Variants in SWT1 observed in about 807,000 individuals in gnomAD.
SWT1 encodes the protein transcriptional protein SWT1.
Under a neutral mutation model 107.3 loss-of-function variants are expected in SWT1, and 33 were observed. That is an observed-to-expected ratio of 0.31 (90% CI 0.23 to 0.41). The LOEUF (loss-of-function observed/expected upper bound fraction) is 0.41, where lower values mean the gene tolerates loss of function less well. SWT1 is among the 10% of genes least tolerant of loss of function. The pLI, the probability that SWT1 is intolerant of heterozygous loss-of-function variation, is 1.00. For missense variants in SWT1, 898 were observed against 1,028.9 expected (o/e 0.87, Z 1.74); for synonymous variants, 345 against 348.3 (o/e 0.99, Z 0.11).
rs1654501796 is a variant in SWT1 at position 185,165,606 on chromosome 1, A to G, written c.85-966A>G. ...CTAGCTAATGTGGTCCTATTAAAAT[A>G]TAAGTACAATCATGTTACTCCTCTG... On this transcript the variant is annotated intron_variant, in intron 2 of 18. Transcript: ENST00000367500. Among the ~76,000 whole-genome samples the G allele has an allele frequency of 2.0e-5, 3 of 152,226 alleles. No homozygotes were observed. In the South Asian group the frequency reaches 6.2e-4, roughly 31 times the overall value.
Position 185,176,572 on chromosome 1 carries a change from A to C in SWT1, c.966+1459A>C, listed in dbSNP as rs1409193378. ...GTTTCTATGTCAAATAAAGTTACTTATCTTCAAGAGAACTTTCAGAACTGT... is the reference window on the plus strand; with the variant it reads ...GTTTCTATGTCAAATAAAGTTACTTCTCTTCAAGAGAACTTTCAGAACTGT... On this transcript the variant is annotated intron_variant, in intron 5 of 18. Coordinates refer to ENST00000367500, the MANE Select transcript of SWT1 (RefSeq NM_017673.7). The C allele has an allele frequency of 8.2e-6, 8 of 981,516 alleles. No homozygotes were observed. In the East Asian group the frequency reaches 9.1e-4, roughly 111 times the overall value. 60.8% of individuals were successfully genotyped at this position (981,516 alleles called of 1,614,324 possible).
At chr1:185,264,895 G>T (rs1024538714) in intron 16 of SWT1, among the ~76,000 whole-genome samples, 66 of 152,182 alleles carry the variant, frequency 4.3e-4, no homozygotes, top group Admixed American at 1.4e-3. Flanking sequence ...TATTCTAATT[G>T]TATGTATGTT....
chr1:185,257,560 C>A (rs1482990485), intron 16 of SWT1, among the ~76,000 whole-genome samples: 3 of 152,226 alleles, frequency 2.0e-5, no homozygotes, highest in African/African-American at 7.2e-5. Flanking sequence ...GCGTCTGTCA[C>A]CCCTTTCTTT....
intron 15 of SWT1, among the ~76,000 whole-genome samples, chr1:185,225,893 C>T (rs1558055007): frequency 6.6e-6 from 1 of 152,104 alleles, no homozygotes; most frequent in Non-Finnish European, 1.5e-5. Flanking sequence ...ATTTAGTGTG[C>T]ATAAACATAA....
chr1:185,207,552 T>A (rs1658433691), intron 13 of SWT1, among the ~76,000 whole-genome samples: 1 of 152,224 alleles, frequency 6.6e-6, no homozygotes, highest in Non-Finnish European at 1.5e-5. Context: ...TCAAGTAAAC[T>A]AGTCTTGAAA....
At chr1:185,211,989 A>G (rs1279006039) in intron 13 of SWT1, among the ~76,000 whole-genome samples, 1 of 149,014 alleles carries the variant, frequency 6.7e-6, no homozygotes, top group Admixed American at 6.7e-5. Flanking sequence ...TCTCACTCAT[A>G]GGTGGGAATT....
At chr1:185,274,755 A>AT (rs1664128443) in intron 17 of SWT1, among the ~76,000 whole-genome samples, 2 of 152,082 alleles carry the variant, frequency 1.3e-5, no homozygotes, top group South Asian at 2.1e-4. Flanking sequence ...TGTTTTAGCT[A>AT]TTTTTTTCCC....
chr1:185,224,943 C>T (rs1186699026), intron 15 of SWT1, among the ~76,000 whole-genome samples: 1 of 152,064 alleles, frequency 6.6e-6, no homozygotes. Context: ...AATTTGGATG[C>T]CCTTCCTTTC....
At chr1:185,204,209 C>T (rs935452052) in intron 11 of SWT1, among the ~76,000 whole-genome samples, 1 of 151,434 alleles carries the variant, frequency 6.6e-6, no homozygotes, top group Non-Finnish European at 1.5e-5. Flanking sequence ...ACTCAGGAGG[C>T]AGAGGTTTCA....
At chr1:185,266,594 C>G (rs1003243615) in intron 16 of SWT1, 1 of 150,978 alleles carries the variant, frequency 6.6e-6, no homozygotes, top group Non-Finnish European at 1.5e-5. Flanking sequence ...TTTGTTCCTT[C>G]TCCACTCCCA....
Position 185,210,664 on chromosome 1 carries a change from C to A in SWT1, c.1973-3843C>A, listed in dbSNP as rs959671171. ...GACAAGGATGCCCTCTCTCACCACTCCTATTGAACATAGTATTGGAAGTTC... is the reference window on the plus strand; with the variant it reads ...GACAAGGATGCCCTCTCTCACCACTACTATTGAACATAGTATTGGAAGTTC... On this transcript the variant is annotated intron_variant, in intron 13 of 18. Coordinates refer to ENST00000367500, the MANE Select transcript of SWT1 (RefSeq NM_017673.7). Among the ~76,000 whole-genome samples, 56 of 152,118 alleles carry A rather than the reference C, an allele frequency of 3.7e-4. 1 individual carries two copies. The highest frequency in any genetic ancestry group is 2.1e-4 in the Non-Finnish European group (14 of 68,024).
At position 185,248,775 on chromosome 1, in the gene SWT1, C is replaced by CAA. The variant is rs371891305; in HGVS notation, c.2441+17084_2441+17085dup. Among the ~76,000 whole-genome samples the CAA allele has an allele frequency of 3.1e-4, 37 of 117,834 alleles. No individual in the cohort carries two copies. The South Asian group carries it at 7.5e-3, about 24-fold the overall frequency. The allele number at this position is 117,834 out of a possible 152,430, so 77.3% of individuals were successfully genotyped here. On this transcript the variant is annotated intron_variant, in intron 16 of 18. Coordinates refer to ENST00000367500, the MANE Select transcript of SWT1 (RefSeq NM_017673.7). ...AAAGCTAATGAAGATACGACTAAGC[C>CAA]AAAAAAAAAAAAAAAAAAGACAAAA...
At chr1:185,211,442 AACGGC>A (rs1470805934) in intron 13 of SWT1, among the ~76,000 whole-genome samples, 1 of 152,212 alleles carries the variant, frequency 6.6e-6, no homozygotes, top group Admixed American at 6.5e-5. Flanking sequence ...TTTTTTAAGG[AACGGC>A]ACTTTCCTGT....
chr1:185,191,070 C>T (rs1656908696), intron 10 of SWT1, among the ~76,000 whole-genome samples: 1 of 152,114 alleles, frequency 6.6e-6, no homozygotes, highest in African/African-American at 2.4e-5. Context: ...TATCATTTAT[C>T]AGCATTGTGA....
intron 16 of SWT1, among the ~76,000 whole-genome samples, chr1:185,249,249 G>A (rs764669580): frequency 2.0e-5 from 3 of 152,174 alleles, no homozygotes; most frequent in Non-Finnish European, 2.9e-5. Context: ...AAGCTATGTT[G>A]CCTGTTATGG....
intron 17 of SWT1, among the ~76,000 whole-genome samples, chr1:185,276,376 C>G (rs961201377): frequency 6.6e-6 from 1 of 152,090 alleles, no homozygotes; most frequent in African/African-American, 2.4e-5. Flanking sequence ...CCCATCTCAC[C>G]TCTGCTGGTT....
At chr1:185,230,901 C>T (rs1660462878) in intron 15 of SWT1, among the ~76,000 whole-genome samples, 1 of 152,104 alleles carries the variant, frequency 6.6e-6, no homozygotes, top group African/African-American at 2.4e-5. Flanking sequence ...GCAGTGCCAC[C>T]ACGCCTCTCT....
At chr1:185,159,861 A>G (rs1423192813) in intron 1 of SWT1, among the ~76,000 whole-genome samples, 1 of 152,062 alleles carries the variant, frequency 6.6e-6, no homozygotes, top group Admixed American at 6.5e-5. Context: ...AGTAGCTGGG[A>G]TTACAGGCAT....
At chr1:185,244,869 C>T (rs1661495489) in intron 16 of SWT1, among the ~76,000 whole-genome samples, 1 of 152,046 alleles carries the variant, frequency 6.6e-6, no homozygotes, top group African/African-American at 2.4e-5. Flanking sequence ...TTGCTTGAAG[C>T]CCGGAGTTCG....
Sources: gnomAD v4.1 joint callset for allele counts (sites outside exome capture counted in the v4.1 genomes callset) on GRCh38, gnomAD v4.1.1 for gene constraint, MANE v1.5 for transcripts, NCBI Gene and HGNC (gene_info 2026-07-23, HGNC 2026-07-21) for gene names.